Variants in GCNT2 observed in about 807,000 individuals in gnomAD.
The protein encoded by GCNT2 is N-acetyllactosaminide beta-1,6-N-acetylglucosaminyl-transferase.
Under a neutral mutation model 34.2 loss-of-function variants are expected in GCNT2, and 34 were observed. The observed-to-expected ratio is 1.00, with a 90% CI of 0.76 to 1.32. The LOEUF (loss-of-function observed/expected upper bound fraction) is 1.32. Ranked by LOEUF, GCNT2 falls within the 40% of genes most tolerant of loss-of-function variation. GCNT2 has a pLI of 0.00. For missense variants in GCNT2, 584 were observed against 489.4 expected, an observed-to-expected ratio of 1.19 and a Z score of -1.82; for synonymous variants, 212 against 188.0, an observed-to-expected ratio of 1.13 and a Z score of -1.04.
intron 3 of GCNT2, among the ~76,000 whole-genome samples, chr6:10,537,243 TTCACTGA>T (rs2113558991): frequency 6.6e-6 from 1 of 152,344 alleles, no homozygotes; most frequent in East Asian, 1.9e-4. Context: ...GTCTTCCCTC[TTCACTGA>T]TCACTGAGTT....
In GCNT2 at chr6:10,626,757, C is replaced by A; in HGVS notation, c.*150C>A. ...GGCTACGTAATTATACTTAAAATATCCACTGGACACTGTGAAATACACTAA... is the reference window on the plus strand; with the variant it reads ...GGCTACGTAATTATACTTAAAATATACACTGGACACTGTGAAATACACTAA... On this transcript the variant is annotated 3_prime_UTR_variant, in exon 5 of 5. Transcript: ENST00000495262. 1 of 657,610 alleles carries A rather than the reference C, an allele frequency of 1.5e-6. No homozygotes were observed. Among genetic ancestry groups the A allele is most frequent in the Non-Finnish European group, 2.7e-6 (1 of 367,030 alleles). The allele number at this position is 657,610 out of a possible 1,614,324, so 40.7% of individuals were successfully genotyped here.
Position 10,581,796 on chromosome 6 carries a change from T to C in GCNT2, c.926-39555T>C, listed in dbSNP as rs1764078977. On this transcript the variant is annotated intron_variant, in intron 3 of 4. Coordinates refer to ENST00000495262, the MANE Select transcript of GCNT2 (RefSeq NM_145649.5). ...TTGCCTCTCTTTTCTCACTCCAACTTTCCCCTTCTGTTCTCCACAAGACCT... is the reference window on the plus strand; with the variant it reads ...TTGCCTCTCTTTTCTCACTCCAACTCTCCCCTTCTGTTCTCCACAAGACCT... 3 of 985,066 alleles carry C rather than the reference T, an allele frequency of 3.0e-6. No individual in the cohort carries two copies. In the South Asian group the frequency reaches 1.4e-4, roughly 46 times the overall value. 61.0% of individuals were successfully genotyped at this position (985,066 alleles called of 1,614,324 possible). A position where few individuals can be genotyped will look rare whatever the true frequency, so the allele number is the denominator to read the frequency against.
chr6:10,577,092 A>G (rs1041613045), intron 3 of GCNT2, among the ~76,000 whole-genome samples: 31 of 152,210 alleles, frequency 2.0e-4, no homozygotes, highest in Non-Finnish European at 4.1e-4. Flanking sequence ...AAATTAAATG[A>G]AAATGAAAAA....
intron 3 of GCNT2, chr6:10,573,345 G>C (rs1389078444): frequency 3.1e-6 from 2 of 655,286 alleles, no homozygotes; most frequent in Non-Finnish European, 3.6e-6. Context: ...TCATTTGTGG[G>C]TTTTATTGTT....
chr6:10,615,691 G>T (rs949721697), intron 3 of GCNT2, among the ~76,000 whole-genome samples: 1 of 147,966 alleles, frequency 6.8e-6, no homozygotes, highest in Admixed American at 6.7e-5. Context: ...AGGAATAAAA[G>T]AATGGCCACT....
intron 3 of GCNT2, chr6:10,556,667 A>G (rs754215089): frequency 1.2e-6 from 2 of 1,614,082 alleles, no homozygotes; most frequent in Non-Finnish European, 8.5e-7. Flanking sequence ...GAGCCACTAC[A>G]TCACAGCCCC....
chr6:10,550,644 GCTAA>G (rs1272763702), intron 3 of GCNT2, among the ~76,000 whole-genome samples: 1 of 152,082 alleles, frequency 6.6e-6, no homozygotes, highest in Non-Finnish European at 1.5e-5. Flanking sequence ...ACTGTGCCTG[GCTAA>G]CTTTTTAATT....
chr6:10,612,142 A>G (rs1287176911), intron 3 of GCNT2, among the ~76,000 whole-genome samples: 2 of 151,892 alleles, frequency 1.3e-5, no homozygotes. Flanking sequence ...GTGTGCCACC[A>G]CGCCCGGCTA....
chr6:10,596,320 A>C (rs13199548), intron 3 of GCNT2, among the ~76,000 whole-genome samples: 1 of 151,778 alleles, frequency 6.6e-6, no homozygotes, highest in Non-Finnish European at 1.5e-5. Context: ...TCAGGCATTC[A>C]AGACCAGCCT....
chr6:10,585,730 CA>C, intron 3 of GCNT2: 1 of 1,367,846 alleles, frequency 7.3e-7, no homozygotes, highest in Middle Eastern at 2.7e-4. Flanking sequence ...TGAGCCTTTG[CA>C]AACAGCAGGG....
chr6:10,551,271 C>T (rs1762465821), intron 3 of GCNT2, among the ~76,000 whole-genome samples: 1 of 152,054 alleles, frequency 6.6e-6, no homozygotes, highest in Admixed American at 6.6e-5. Flanking sequence ...GTGTTTCCAT[C>T]ATAACTTTGC....
chr6:10,574,957 A>G, intron 3 of GCNT2: 1 of 723,812 alleles, frequency 1.4e-6, no homozygotes, highest in Non-Finnish European at 2.5e-6. Flanking sequence ...CTCAATACAC[A>G]CATTAATTCT....
chr6:10,593,478 C>T, intron 3 of GCNT2, among the ~76,000 whole-genome samples: 1 of 152,154 alleles, frequency 6.6e-6, no homozygotes, highest in Non-Finnish European at 1.5e-5. Flanking sequence ...GCAAGGACTA[C>T]AGGTATGCAC....
Position 10,528,953 on chromosome 6 carries a change from T to C in GCNT2, c.42T>C (p.Leu14=), listed in dbSNP as rs1761333334. The change falls in exon 3 of 5, where the codon CTT becomes CTC. Residue 14 remains leucine (L), a synonymous_variant. Transcript: ENST00000495262. ...SWKHCLFSAS[L]ISALIFVFVY... ...AGCACTGTCTTTTTAGCGCGTCTCT[T>C]ATCTCTGCCCTGATTTTTGTATTTG... The C allele has an allele frequency of 1.2e-6, 2 of 1,614,064 alleles. No individual in the cohort carries two copies. The highest frequency in any genetic ancestry group is 1.7e-6 in the Non-Finnish European group (2 of 1,179,894).
intron 3 of GCNT2, among the ~76,000 whole-genome samples, chr6:10,566,462 T>A (rs887162805): frequency 6.6e-6 from 1 of 152,094 alleles, no homozygotes; most frequent in Non-Finnish European, 1.5e-5. Flanking sequence ...CCCAGCTAAT[T>A]TTTAAAATCT....
intron 3 of GCNT2, among the ~76,000 whole-genome samples, chr6:10,613,832 T>C (rs1036521008): frequency 3.3e-5 from 5 of 152,102 alleles, no homozygotes; most frequent in Non-Finnish European, 5.9e-5. Flanking sequence ...TTTGGAGACG[T>C]TGGATGATGT....
At chr6:10,581,442 G>A (rs978907813) in intron 3 of GCNT2, among the ~76,000 whole-genome samples, 1 of 151,946 alleles carries the variant, frequency 6.6e-6, no homozygotes, top group Non-Finnish European at 1.5e-5. Context: ...GGCTAATTTT[G>A]TATTTTTAGT....
Position 10,626,604 on chromosome 6 carries a change from TTGAGCTATTCA to T in GCNT2, c.*5_*15del. On this transcript the variant is annotated stop_retained_variant and 3_prime_UTR_variant, in exon 5 of 5. Transcript: ENST00000495262. ...CTGCGATACAACCCAGCTGGTATTT[TTGAGCTATTCA>T]TGAGCTACTCATGACTGAAGGGAAA... 1 of 1,612,242 alleles carries T rather than the reference TTGAGCTATTCA, an allele frequency of 6.2e-7. No homozygotes were observed. The highest frequency in any genetic ancestry group is 8.5e-7 in the Non-Finnish European group (1 of 1,178,320).
At chr6:10,541,461 C>A (rs756657285) in intron 3 of GCNT2, among the ~76,000 whole-genome samples, 11 of 152,148 alleles carry the variant, frequency 7.2e-5, no homozygotes, top group Non-Finnish European at 1.5e-4. Context: ...GTGAATAGTG[C>A]TGCAGTGAAC....
Sources: gnomAD v4.1 joint callset for allele counts (sites outside exome capture counted in the v4.1 genomes callset) on GRCh38, gnomAD v4.1.1 for gene constraint, MANE v1.5 for transcripts, NCBI Gene and HGNC (gene_info 2026-07-23, HGNC 2026-07-21) for gene names.